UTS2: variants seen among roughly 807,000 people sequenced by gnomAD.
The protein encoded by UTS2 is urotensin-2.
Under a neutral mutation model 12.6 loss-of-function variants are expected in UTS2, and 10 were observed. That is an observed-to-expected ratio of 0.80 (90% CI 0.49 to 1.35). The LOEUF is 1.35. Ranked by LOEUF, UTS2 falls within the 40% of genes most tolerant of loss-of-function variation. The pLI, the probability that UTS2 is intolerant of heterozygous loss-of-function variation, is 0.00. For synonymous variants in UTS2, 52 were observed against 50.0 expected (o/e 1.04, Z -0.17); for missense variants, 142 against 143.2 (o/e 0.99, Z 0.04).
At chr1:7,873,727 A>G in the UTS2 span, among the ~76,000 whole-genome samples, 1 of 152,178 alleles carries the variant, frequency 6.6e-6, no homozygotes, top group Non-Finnish European at 1.5e-5. Context: ...GATGCCGCCA[A>G]TATTGTTAAA....
In UTS2 at chr1:7,847,779, T is replaced by A; in HGVS notation, c.362A>T (p.Lys121Ile). The change falls in exon 4 of 4, where the codon AAA becomes ATA. Residue 121 changes from lysine (K) to isoleucine (I), a missense_variant. By Grantham distance (102) the Lys-to-Ile change is moderately radical. Transcript: ENST00000361696. The stretch of plus-strand genomic sequence containing the variant: ...GCTTATTTCACTTCAGACACAGTAT[T>A]TCCAGAAGCAATCAGGAGTCTCACG... ...KKRETPDCFW[K>I]YCV is the part of the protein sequence containing the mutation. The A allele has an allele frequency of 6.2e-7, 1 of 1,612,604 alleles. No homozygotes were observed. The highest frequency in any genetic ancestry group is 8.5e-7 in the Non-Finnish European group (1 of 1,178,920).
chr1:7,857,882 TTGTC>T (rs1200059507), upstream of UTS2, among the ~76,000 whole-genome samples: 21 of 151,038 alleles, frequency 1.4e-4, no homozygotes, highest in East Asian at 3.1e-3. Context: ...CTGTTTTACA[TTGTC>T]TGTCTGTGTA....
At chr1:7,854,817 C>T (rs1638273983), upstream of UTS2, among the ~76,000 whole-genome samples, 1 of 151,978 alleles carries the variant, frequency 6.6e-6, no homozygotes. Flanking sequence ...TCAGCCATTC[C>T]ACAATGTATG....
intron 3 of UTS2, among the ~76,000 whole-genome samples, chr1:7,849,325 C>T (rs2097411450): frequency 1.3e-5 from 2 of 152,124 alleles, no homozygotes; most frequent in African/African-American, 4.8e-5. Flanking sequence ...AGCGATTCTC[C>T]TGCCTCAGTC....
At chr1:7,909,728 C>T in the UTS2 span, among the ~76,000 whole-genome samples, 3 of 151,952 alleles carry the variant, frequency 2.0e-5, no homozygotes, top group Non-Finnish European at 2.9e-5. Context: ...TCAAGCAATT[C>T]TTCTGTCTCA....
the UTS2 span, among the ~76,000 whole-genome samples, chr1:7,860,374 CT>C: frequency 6.6e-6 from 1 of 152,034 alleles, no homozygotes; most frequent in Non-Finnish European, 1.5e-5. Context: ...TGTATTAGGC[CT>C]GTTTGAGGAA....
At chr1:7,858,176 A>C (rs1175403037), upstream of UTS2, among the ~76,000 whole-genome samples, 1 of 152,218 alleles carries the variant, frequency 6.6e-6, no homozygotes, top group African/African-American at 2.4e-5. Context: ...CTTACGCTTA[A>C]AAGAAAATTA....
intron 2 of UTS2, 22 bp from the exon 3 acceptor site, chr1:7,849,705 A>G: frequency 6.2e-7 from 1 of 1,600,348 alleles, no homozygotes. Flanking sequence ...TTTTGAAGCC[A>G]GTTCATCAGA....
the UTS2 span, among the ~76,000 whole-genome samples, chr1:7,867,179 C>T: frequency 1.3e-5 from 2 of 152,026 alleles, no homozygotes; most frequent in African/African-American, 2.4e-5. Context: ...CCAAATTAAG[C>T]AAGTTTAAAA....
chr1:7,874,596 A>G, the UTS2 span, among the ~76,000 whole-genome samples: 1 of 152,198 alleles, frequency 6.6e-6, no homozygotes, highest in Non-Finnish European at 1.5e-5. Flanking sequence ...AAGGGAGCCA[A>G]AGCCCATGTT....
At chr1:7,904,309 TAAAA>T in the UTS2 span, among the ~76,000 whole-genome samples, 1,621 of 130,346 alleles carry the variant, frequency 0.012, 36 homozygotes, top group African/African-American at 0.045. Flanking sequence ...CTACAAAAAA[TAAAA>T]AAAAAAAAAA....
the UTS2 span, among the ~76,000 whole-genome samples, chr1:7,864,604 C>G: frequency 6.6e-6 from 1 of 152,206 alleles, no homozygotes; most frequent in South Asian, 2.1e-4. Context: ...GCCCAACAGA[C>G]TTTGTCCCAG....
At chr1:7,902,721 A>G in the UTS2 span, among the ~76,000 whole-genome samples, 1 of 152,056 alleles carries the variant, frequency 6.6e-6, no homozygotes, top group Non-Finnish European at 1.5e-5. Flanking sequence ...TTCCCCGGCC[A>G]GCGCCTCCTA....
chr1:7,867,364 G>T, the UTS2 span, among the ~76,000 whole-genome samples: 4 of 152,146 alleles, frequency 2.6e-5, no homozygotes, highest in Admixed American at 2.6e-4. Flanking sequence ...GGGCCTTTAA[G>T]GACATCATTA....
At chr1:7,890,113 G>A in the UTS2 span, among the ~76,000 whole-genome samples, 11 of 138,966 alleles carry the variant, frequency 7.9e-5, no homozygotes, top group South Asian at 2.3e-4. Context: ...GCAACAGAGC[G>A]AGCCTCCATC....
the UTS2 span, among the ~76,000 whole-genome samples, chr1:7,906,646 A>T: frequency 6.6e-6 from 1 of 152,150 alleles, no homozygotes; most frequent in Non-Finnish European, 1.5e-5. Flanking sequence ...CAGGCTGGAC[A>T]GAAAACTATA....
the UTS2 span, among the ~76,000 whole-genome samples, chr1:7,909,850 G>A: frequency 6.6e-6 from 1 of 152,064 alleles, no homozygotes; most frequent in Non-Finnish European, 1.5e-5. Context: ...TCAAACTCCT[G>A]ACCTCAAGTG....
At chr1:7,871,500 C>T in the UTS2 span, among the ~76,000 whole-genome samples, 1 of 152,156 alleles carries the variant, frequency 6.6e-6, no homozygotes, top group African/African-American at 2.4e-5. Flanking sequence ...TGTCAGCAGG[C>T]TCCATGAGGG....
the UTS2 span, among the ~76,000 whole-genome samples, chr1:7,906,938 C>G: frequency 6.6e-6 from 1 of 152,118 alleles, no homozygotes; most frequent in Non-Finnish European, 1.5e-5. Context: ...GCCTTTGCCA[C>G]TGAAGCTAAA....
Sources: gnomAD v4.1 joint callset for allele counts (sites outside exome capture counted in the v4.1 genomes callset) on GRCh38, gnomAD v4.1.1 for gene constraint, MANE v1.5 for transcripts, NCBI Gene and HGNC (gene_info 2026-07-23, HGNC 2026-07-21) for gene names.